The following SNAP91 variants were observed in gnomAD, a reference collection of about 807,000 sequenced individuals.
SNAP91 encodes clathrin coat assembly protein AP180.
Under a neutral mutation model 100.3 loss-of-function variants are expected in SNAP91, and 27 were observed. That is an observed-to-expected ratio of 0.27 (90% confidence interval 0.20 to 0.37). SNAP91 has a LOEUF of 0.37. Among genes scored for constraint, SNAP91 ranks in the 10% least tolerant of loss-of-function variants. The pLI, the probability that SNAP91 is intolerant of heterozygous loss-of-function variation, is 1.00. For synonymous variants in SNAP91, 404 were observed against 398.6 expected, an observed-to-expected ratio of 1.01 and a Z score of -0.16; for missense variants, 986 against 1,123.7, an observed-to-expected ratio of 0.88 and a Z score of 1.75.
chr6:83,702,366 C>A (rs983666525), intron 2 of SNAP91, among the ~76,000 whole-genome samples: 3 of 151,988 alleles, frequency 2.0e-5, no homozygotes, highest in African/African-American at 7.3e-5. Flanking sequence ...CAGCATCAGT[C>A]AATTGAAGGG....
intron 3 of SNAP91, among the ~76,000 whole-genome samples, chr6:83,663,735 A>G (rs901934438): frequency 6.6e-5 from 10 of 152,214 alleles, no homozygotes; most frequent in African/African-American, 2.2e-4. Context: ...AGTTATCCAG[A>G]AGATCTAGCT....
At chr6:83,641,231 GAA>G in intron 7 of SNAP91, 29 bp from the exon 8 acceptor site, 2 of 1,013,540 alleles carry the variant, frequency 2.0e-6, no homozygotes, top group Non-Finnish European at 1.4e-6. Context: ...TAAGCAATTT[GAA>G]AAGAGTATTA....
chr6:83,645,446 A>G (rs1354860288), intron 7 of SNAP91, among the ~76,000 whole-genome samples: 1 of 152,146 alleles, frequency 6.6e-6, no homozygotes, highest in East Asian at 1.9e-4. Flanking sequence ...CCCCAAGTCC[A>G]TAGCATACAT....
chr6:83,593,794 G>A (rs1016682944), intron 17 of SNAP91, 53 bp from the exon 18 acceptor site: 67 of 1,516,104 alleles, frequency 4.4e-5, no homozygotes, highest in Admixed American at 2.0e-4. Context: ...AAAGAGACAA[G>A]AGACAGCATC....
chr6:83,621,374 G>A (rs963563379), intron 9 of SNAP91, among the ~76,000 whole-genome samples: 2 of 152,010 alleles, frequency 1.3e-5, no homozygotes, highest in East Asian at 1.9e-4. Flanking sequence ...TTTATGTGGC[G>A]CTTAAGGTCA....
In SNAP91 at chr6:83,701,828, A is replaced by G. The variant is rs557533673; in HGVS notation, c.130+5970T>C. On this transcript the variant is annotated intron_variant, in intron 2 of 29. Transcript: ENST00000369694. The stretch of plus-strand genomic sequence containing the variant: ...CTGTCTGTACACAAGGAAGAGGAGG[A>G]TCCTCACACATCTGGGACAAATGAA... 6.6e-5 allele frequency among the ~76,000 whole-genome samples: 10 copies of G among 152,374 alleles called. No homozygotes were observed. The East Asian group carries it at 1.9e-3, about 29-fold the overall frequency.
chr6:83,658,649 A>G (rs908871529), intron 6 of SNAP91, among the ~76,000 whole-genome samples: 2 of 152,152 alleles, frequency 1.3e-5, no homozygotes, highest in African/African-American at 4.8e-5. Flanking sequence ...AATAAAAAAT[A>G]AAAAAGATTT....
intron 2 of SNAP91, among the ~76,000 whole-genome samples, chr6:83,676,440 T>C (rs374774401): frequency 5.3e-5 from 8 of 152,302 alleles, no homozygotes; most frequent in African/African-American, 1.9e-4. Context: ...CTAAATGTAG[T>C]GAGAAAGCCA....
intron 22 of SNAP91, among the ~76,000 whole-genome samples, chr6:83,586,725 G>T (rs2092708288): frequency 6.6e-6 from 1 of 152,114 alleles, no homozygotes; most frequent in Non-Finnish European, 1.5e-5. Context: ...CTGAGATATG[G>T]ATAATATCTG....
chr6:83,616,243 AG>A (rs2096479250), intron 10 of SNAP91, among the ~76,000 whole-genome samples: 1 of 152,172 alleles, frequency 6.6e-6, no homozygotes, highest in South Asian at 2.1e-4. Flanking sequence ...GGGCATCCTA[AG>A]ACTTGCAGAA....
chr6:83,708,191 G>C, intron 1 of SNAP91: 1 of 444,546 alleles, frequency 2.2e-6, no homozygotes, highest in Non-Finnish European at 3.9e-6. Context: ...TCGCAGCATC[G>C]TGACACCGTC....
chr6:83,707,974 G>C lies in SNAP91; in HGVS notation c.-30-17C>G, dbSNP rs766714455. 12 of 1,530,866 alleles carry C rather than the reference G, an allele frequency of 7.8e-6. 1 individual carries two copies. The South Asian group carries it at 1.4e-4, about 18-fold the overall frequency. The allele number at this position is 1,530,866 out of a possible 1,614,324, so 94.8% of individuals were successfully genotyped here. ...CCTCCTCTTCTGCAGGAAACAAGGG[G>C]AGACGGTCCGGCTTTAATCCGCAGA... On this transcript the variant is annotated splice_polypyrimidine_tract_variant and intron_variant, in intron 1 of 29. Transcript: ENST00000369694.
chr6:83,620,564 C>CT (rs141412045), intron 9 of SNAP91, among the ~76,000 whole-genome samples: 4,209 of 152,202 alleles, frequency 0.028, 199 homozygotes, highest in African/African-American at 0.094. Flanking sequence ...TCCATTAGAC[C>CT]TGCCGAGGGG....
intron 7 of SNAP91, among the ~76,000 whole-genome samples, chr6:83,651,918 T>C (rs543509539): frequency 1.3e-5 from 2 of 152,282 alleles, no homozygotes; most frequent in East Asian, 1.9e-4. Flanking sequence ...TATTTGTTGA[T>C]TGTCTGCTGT....
chr6:83,624,416 G>A lies in SNAP91; in HGVS notation c.766-1074C>T, dbSNP rs535479566. Reference sequence around the variant, plus strand: ...AAAGTGTATCTCCTTGAGAAATGAAGAGCTTTGATTATACTGATGGAAATG... The same window carrying A: ...AAAGTGTATCTCCTTGAGAAATGAAAAGCTTTGATTATACTGATGGAAATG... On this transcript the variant is annotated intron_variant, in intron 8 of 29. Transcript: ENST00000369694. Among the ~76,000 whole-genome samples the A allele has an allele frequency of 1.2e-3, 186 of 152,170 alleles. 1 individual carries two copies. Among genetic ancestry groups the A allele is most frequent in the African/African-American group, 4.4e-3 (182 of 41,542 alleles).
chr6:83,686,267 T>TG, intron 2 of SNAP91: 4 of 851,216 alleles, frequency 4.7e-6, no homozygotes, highest in Non-Finnish European at 5.7e-6. Context: ...AGGTAATAGT[T>TG]GGTTACTCAG....
intron 7 of SNAP91, among the ~76,000 whole-genome samples, chr6:83,653,082 T>G (rs908655920): frequency 2.6e-5 from 4 of 152,202 alleles, no homozygotes; most frequent in African/African-American, 9.6e-5. Flanking sequence ...CGGGGGCATT[T>G]CCTACTTGGT....
At chr6:83,657,154 C>A (rs1442039525) in intron 6 of SNAP91, among the ~76,000 whole-genome samples, 1 of 152,050 alleles carries the variant, frequency 6.6e-6, no homozygotes, top group Non-Finnish European at 1.5e-5. Flanking sequence ...TTTTGAAAAT[C>A]TGGTGTTTTG....
At chr6:83,617,144 A>T in intron 9 of SNAP91, 105 bp from the exon 10 acceptor site, 1 of 605,138 alleles carries the variant, frequency 1.7e-6, no homozygotes, top group Non-Finnish European at 2.8e-6. Flanking sequence ...ATGGACCCCG[A>T]TATATATGTG....
Sources: allele counts gnomAD v4.1 joint callset (sites outside exome capture counted in the v4.1 genomes callset), GRCh38; gene constraint gnomAD v4.1.1; transcripts MANE v1.5; gene names NCBI Gene and HGNC (gene_info 2026-07-23, HGNC 2026-07-21).